Variants in GCA observed in about 807,000 individuals in gnomAD.
GCA encodes the protein grancalcin.
A neutral mutation model predicts 32.6 loss-of-function variants in GCA; 30 were observed. The ratio of observed to expected loss-of-function variants is 0.92; its 90% CI spans 0.69 to 1.25. The LOEUF (loss-of-function observed/expected upper bound fraction) is 1.25, where lower values mean the gene tolerates loss of function less well. Ranked by LOEUF, GCA falls within the 50% of genes most tolerant of loss-of-function variation. The pLI, the probability that GCA is intolerant of heterozygous loss-of-function variation, is 0.00. For synonymous variants in GCA, 102 were observed against 84.6 expected (o/e 1.21, Z -1.13); for missense variants, 291 against 266.8 (o/e 1.09, Z -0.63).
chr2:162,360,367 T>C lies in GCA; in HGVS notation c.*124T>C. The C allele has an allele frequency of 7.2e-7, 1 of 1,393,552 alleles. No individual in the cohort carries two copies. Among genetic ancestry groups the C allele is most frequent in the Non-Finnish European group, 9.4e-7 (1 of 1,067,540 alleles). 86.3% of individuals were successfully genotyped at this position (1,393,552 alleles called of 1,614,324 possible). ...TCCTACCTGTTAAACCTCTTCCCTT[T>C]CTGTGTGTTTTTATTTTAGCAGATA... On this transcript the variant is annotated 3_prime_UTR_variant, in exon 8 of 8. Transcript: ENST00000437150.
chr2:162,359,629 G>T, intron 7 of GCA, 77 bp downstream of exon 7: 2 of 661,334 alleles, frequency 3.0e-6, no homozygotes, highest in Non-Finnish European at 5.4e-6. Flanking sequence ...GTGATCCCAA[G>T]TACCAGTACT....
upstream of GCA, among the ~76,000 whole-genome samples, chr2:162,343,364 G>C (rs1012052554): frequency 6.6e-6 from 1 of 152,166 alleles, no homozygotes; most frequent in African/African-American, 2.4e-5. Flanking sequence ...TTTAACAAGA[G>C]TTTGCCCAAA....
At chr2:162,322,654 G>C (rs897116807) in intron 1 of GCA, among the ~76,000 whole-genome samples, 3 of 146,404 alleles carry the variant, frequency 2.0e-5, no homozygotes, top group Non-Finnish European at 4.5e-5. Flanking sequence ...GAGAATATGC[G>C]GTGTTTGGTT....
At chr2:162,372,220 C>T (rs533124129), downstream of GCA, 2 of 737,316 alleles carry the variant, frequency 2.7e-6, no homozygotes, top group South Asian at 2.0e-5. Flanking sequence ...GTGATATTAG[C>T]CAACATTTCC....
rs1450529098 is a variant in GCA, at chr2:162,362,203, T to C, written c.*1960T>C. 2 of 983,672 alleles carry C rather than the reference T, an allele frequency of 2.0e-6. No individual in the cohort carries two copies. Among genetic ancestry groups the C allele is most frequent in the Non-Finnish European group, 2.4e-6 (2 of 828,754 alleles). The allele number at this position is 983,672 out of a possible 1,614,324, so 60.9% of individuals were successfully genotyped here. On this transcript the variant is annotated 3_prime_UTR_variant, in exon 8 of 8. Transcript: ENST00000437150. The stretch of plus-strand genomic sequence containing the variant: ...GAAACCCCAAGGTTAATAAAATCAG[T>C]CATGTTTAATTTTATTTGACCCAGT...
intron 1 of GCA, among the ~76,000 whole-genome samples, chr2:162,345,111 G>GTGGTGGTGA (rs1684621517): frequency 6.8e-6 from 1 of 148,042 alleles, no homozygotes; most frequent in Admixed American, 6.8e-5. Context: ...GGTGGTGGTG[G>GTGGTGGTGA]TGGTGGTGGT....
At chr2:162,332,202 G>A (rs895467095) in intron 1 of GCA, among the ~76,000 whole-genome samples, 1 of 150,942 alleles carries the variant, frequency 6.6e-6, no homozygotes, top group East Asian at 1.9e-4. Context: ...CCAGCTACTC[G>A]GGAGGCTGAG....
At chr2:162,318,963 A>G, upstream of GCA, 1 of 342,250 alleles carries the variant, frequency 2.9e-6, no homozygotes, top group Non-Finnish European at 5.9e-6. Context: ...TGTGCAGGGC[A>G]TAAAAGCATG....
At chr2:162,341,864 T>G (rs1362837845), upstream of GCA, among the ~76,000 whole-genome samples, 3 of 152,218 alleles carry the variant, frequency 2.0e-5, no homozygotes, top group African/African-American at 7.2e-5. Flanking sequence ...TTATCCACCT[T>G]ACTTTTCACA....
At chr2:162,347,948 A>G (rs922619057) in intron 2 of GCA, among the ~76,000 whole-genome samples, 4 of 152,134 alleles carry the variant, frequency 2.6e-5, no homozygotes, top group Non-Finnish European at 4.4e-5. Flanking sequence ...TACATTGTTC[A>G]TTTGACTAAA....
intron 5 of GCA, among the ~76,000 whole-genome samples, chr2:162,357,173 C>G (rs1685321850): frequency 6.6e-6 from 1 of 151,778 alleles, no homozygotes; most frequent in Non-Finnish European, 1.5e-5. Flanking sequence ...TTTGTTAGTA[C>G]TTACCAGTTA....
chr2:162,367,821 C>A (rs75979035), downstream of GCA, among the ~76,000 whole-genome samples: 745 of 152,022 alleles, frequency 4.9e-3, 17 homozygotes, highest in African/African-American at 0.017. Context: ...ATATGCCAGG[C>A]ACTTTACTAT....
chr2:162,321,260 T>C (rs1328307671), intron 1 of GCA, among the ~76,000 whole-genome samples: 1 of 152,222 alleles, frequency 6.6e-6, no homozygotes, highest in Non-Finnish European at 1.5e-5. Context: ...GGTTTCATTT[T>C]AATCCTTTTC....
intron 1 of GCA, among the ~76,000 whole-genome samples, chr2:162,335,795 C>A (rs944265925): frequency 6.6e-6 from 1 of 152,208 alleles, no homozygotes; most frequent in African/African-American, 2.4e-5. Context: ...ATACTGTCAA[C>A]AAATGAACTT....
intron 1 of GCA, 164 bp downstream of exon 1, chr2:162,344,439 G>A (rs998428641): frequency 1.5e-6 from 1 of 674,374 alleles, no homozygotes; most frequent in Non-Finnish European, 2.6e-6. Flanking sequence ...GCCTGGGCGA[G>A]CATTGATCCT....
rs974581046 is a variant in GCA, at chr2:162,362,463, T to C, written c.*2220T>C. 4 of 966,104 alleles carry C rather than the reference T, an allele frequency of 4.1e-6. No individual in the cohort carries two copies. The highest frequency in any genetic ancestry group is 6.2e-5 in the Admixed American group (1 of 16,120). 59.8% of individuals were successfully genotyped at this position (966,104 alleles called of 1,614,324 possible). A position where few individuals can be genotyped will look rare whatever the true frequency, so the allele number is the denominator to read the frequency against. On this transcript the variant is annotated 3_prime_UTR_variant, in exon 8 of 8. Coordinates refer to ENST00000437150, the MANE Select transcript of GCA (RefSeq NM_012198.5). ...ATTTTTATGATGAACATGACTGTAATATGAATATAGTATAGTAGTTTGCAC... is the reference window on the plus strand; with the variant it reads ...ATTTTTATGATGAACATGACTGTAACATGAATATAGTATAGTAGTTTGCAC...
chr2:162,322,209 A>G (rs1457112491), intron 1 of GCA, among the ~76,000 whole-genome samples: 1 of 150,892 alleles, frequency 6.6e-6, no homozygotes, highest in Non-Finnish European at 1.5e-5. Flanking sequence ...AAACTTTTCT[A>G]CATAGCAGTT....
At chr2:162,354,908 A>G (rs1485012017) in intron 3 of GCA, among the ~76,000 whole-genome samples, 1 of 152,172 alleles carries the variant, frequency 6.6e-6, no homozygotes, top group East Asian at 1.9e-4. Flanking sequence ...TCTTTGTCCT[A>G]AATATTTCTT....
At chr2:162,368,312 CATAG>C (rs1250521477) in intron 4 of GCA, among the ~76,000 whole-genome samples, 1 of 151,788 alleles carries the variant, frequency 6.6e-6, no homozygotes, top group African/African-American at 2.4e-5. Flanking sequence ...TTTTGATTTT[CATAG>C]ATAAGTAATT....
Sources: gnomAD v4.1 joint callset for allele counts (sites outside exome capture counted in the v4.1 genomes callset) on GRCh38, gnomAD v4.1.1 for gene constraint, MANE v1.5 for transcripts, NCBI Gene and HGNC (gene_info 2026-07-23, HGNC 2026-07-21) for gene names.